The following FOCAD variants were observed in gnomAD, a reference collection of about 807,000 sequenced individuals.
The protein encoded by FOCAD is KIAA1797.
In FOCAD, 198 loss-of-function variants were observed where a neutral mutation model predicts 225.6. The observed-to-expected ratio is 0.88, with a 90% CI of 0.78 to 0.99. The LOEUF (loss-of-function observed/expected upper bound fraction) is 0.99. Among genes scored for constraint, FOCAD ranks in the 50% least tolerant of loss-of-function variants. The probability of loss-of-function intolerance (pLI) is 0.00; values close to 1 mark genes in which losing one functional copy is unlikely to be tolerated. For synonymous variants in FOCAD, 897 were observed against 755.0 expected, an observed-to-expected ratio of 1.19 and a Z score of -3.08; for missense variants, 2,713 against 2,123.6, an observed-to-expected ratio of 1.28 and a Z score of -5.46.
At chr9:20,828,885 G>T (rs1825195449) in intron 15 of FOCAD, among the ~76,000 whole-genome samples, 1 of 152,102 alleles carries the variant, frequency 6.6e-6, no homozygotes, top group South Asian at 2.1e-4. Context: ...AGAACATGCG[G>T]TATTTGGTTT....
chr9:20,692,005 C>A (rs1205925144), intron 1 of FOCAD, among the ~76,000 whole-genome samples: 1 of 152,158 alleles, frequency 6.6e-6, no homozygotes, highest in East Asian at 1.9e-4. Context: ...CCGCCTTGGC[C>A]TCCCAAAGTG....
At chr9:20,663,697 A>G (rs1466912887) in intron 2 of FOCAD, among the ~76,000 whole-genome samples, 1 of 152,186 alleles carries the variant, frequency 6.6e-6, no homozygotes, top group Non-Finnish European at 1.5e-5. Flanking sequence ...GTGTGAGGAA[A>G]ACAATACGTA....
chr9:20,788,605 A>G (rs1206553736), intron 10 of FOCAD, among the ~76,000 whole-genome samples: 1 of 152,190 alleles, frequency 6.6e-6, no homozygotes, highest in Non-Finnish European at 1.5e-5. Flanking sequence ...AGTCTGTCAC[A>G]AAGCACTATA....
Position 20,892,619 on chromosome 9 carries a change from G to C in FOCAD, c.2625+7389G>C, listed in dbSNP as rs557875418. On this transcript the variant is annotated intron_variant, in intron 21 of 43. Transcript: ENST00000338382. ...ACCGTCATGAGGAGTTGCTTCTTAG[G>C]GATGAACAGAGTGGTTTCTTGAGAT... Among the ~76,000 whole-genome samples, 4 of 152,152 alleles carry C rather than the reference G, an allele frequency of 2.6e-5. No individual in the cohort carries two copies. The East Asian group carries it at 7.7e-4, about 29-fold the overall frequency.
At chr9:20,787,428 A>C (rs949116723) in intron 10 of FOCAD, among the ~76,000 whole-genome samples, 1 of 152,156 alleles carries the variant, frequency 6.6e-6, no homozygotes, top group Non-Finnish European at 1.5e-5. Flanking sequence ...ATAATGGCTG[A>C]TAGCTGGCAT....
intron 16 of FOCAD, among the ~76,000 whole-genome samples, chr9:20,864,640 A>G (rs1829072061): frequency 6.6e-6 from 1 of 152,142 alleles, no homozygotes; most frequent in African/African-American, 2.4e-5. Context: ...ATGTATGCAT[A>G]TATTATTTTC....
chr9:20,934,973 G>T (rs1835819768), intron 28 of FOCAD, among the ~76,000 whole-genome samples: 2 of 152,092 alleles, frequency 1.3e-5, no homozygotes, highest in African/African-American at 4.8e-5. Flanking sequence ...AGAAATCATA[G>T]ATGACACAAA....
chr9:20,813,852 G>T (rs1228747878), intron 11 of FOCAD, among the ~76,000 whole-genome samples: 2 of 152,016 alleles, frequency 1.3e-5, no homozygotes, highest in Non-Finnish European at 2.9e-5. Flanking sequence ...TTACTGTATT[G>T]CTTTCCATTT....
At chr9:20,976,396 A>G (rs760085140) in intron 35 of FOCAD, 24 bp from the exon 36 acceptor site, 9 of 1,608,664 alleles carry the variant, frequency 5.6e-6, no homozygotes, top group South Asian at 5.5e-5. Context: ...GTGTTTTACT[A>G]TTATTTTTCA....
intron 2 of FOCAD, 72 bp from the exon 3 acceptor site, chr9:20,717,722 C>G: frequency 1.8e-6 from 2 of 1,125,812 alleles, no homozygotes; most frequent in South Asian, 2.7e-5. Flanking sequence ...CTGGCATACT[C>G]ATATCAACTA....
chr9:20,875,056 A>C, intron 19 of FOCAD: 3 of 429,214 alleles, frequency 7.0e-6, no homozygotes, highest in Non-Finnish European at 8.2e-6. Context: ...GTTCACTGAT[A>C]ATTAAAATTC....
At chr9:20,659,725 A>G (rs1331381600) in intron 2 of FOCAD, among the ~76,000 whole-genome samples, 1 of 152,252 alleles carries the variant, frequency 6.6e-6, no homozygotes, top group Non-Finnish European at 1.5e-5. Context: ...CTAATGTAGT[A>G]ATAGTCATTG....
chr9:20,682,965 G>C (rs1473039438), upstream of FOCAD, among the ~76,000 whole-genome samples: 2 of 152,098 alleles, frequency 1.3e-5, no homozygotes, highest in Non-Finnish European at 2.9e-5. Context: ...TTTTTTAGTA[G>C]AGATGGGGTT....
Position 20,995,945 on chromosome 9 carries a change from T to C in FOCAD, c.*316T>C, listed in dbSNP as rs1587815767. On this transcript the variant is annotated 3_prime_UTR_variant, in exon 44 of 44. Transcript: ENST00000338382. ...CTGCTAAATTCCAGTAAAATAATGT[T>C]GTCAATTTTGTGCGTGTGACTTTTG... The C allele has an allele frequency of 5.6e-6, 1 of 178,352 alleles. No individual in the cohort carries two copies. The highest frequency in any genetic ancestry group is 1.5e-4 in the East Asian group (1 of 6,784). The allele number at this position is 178,352 out of a possible 1,614,324, so 11.0% of individuals were successfully genotyped here.
At chr9:20,734,097 A>G (rs1457283338) in intron 4 of FOCAD, among the ~76,000 whole-genome samples, 2 of 152,262 alleles carry the variant, frequency 1.3e-5, no homozygotes, top group African/African-American at 4.8e-5. Context: ...AAAGTTGTGC[A>G]AACAGTGGAA....
intron 8 of FOCAD, 144 bp downstream of exon 8, chr9:20,770,382 C>T (rs1487924383): frequency 1.4e-6 from 1 of 718,022 alleles, no homozygotes; most frequent in African/African-American, 1.8e-5. Context: ...TGCTTAGCTT[C>T]TGGGGAGGCC....
intron 15 of FOCAD, among the ~76,000 whole-genome samples, chr9:20,845,664 G>A (rs894664515): frequency 3.3e-5 from 5 of 151,816 alleles, no homozygotes; most frequent in African/African-American, 9.7e-5. Flanking sequence ...CCGGTCCAAG[G>A]ATGTATAATT....
Position 20,912,907 on chromosome 9 carries a change from A to C in FOCAD, c.2760A>C (p.Lys920Asn). The change falls in exon 23 of 44, where the codon AAA (lysine) becomes AAC (asparagine). Residue 920 changes from lysine to asparagine, a missense_variant. By Grantham distance (94) the Lys-to-Asn change is moderately conservative. Transcript: ENST00000338382. ...GELELQLKHG[K>N]EEPEEVQYKK... ...TGGAGTTGCAGTTAAAACATGGAAA[A>C]GAAGAACCTGAGGAGGTGCAGTACA... 1 of 1,613,424 alleles carries C rather than the reference A, an allele frequency of 6.2e-7. No homozygotes were observed. The highest frequency in any genetic ancestry group is 8.5e-7 in the Non-Finnish European group (1 of 1,179,614).
At chr9:20,962,417 C>CACATACATCCAT (rs1838830998) in intron 35 of FOCAD, among the ~76,000 whole-genome samples, 1 of 149,086 alleles carries the variant, frequency 6.7e-6, no homozygotes, top group South Asian at 2.1e-4. Context: ...TATACACACA[C>CACATACATCCAT]ACATACATAC....
Sources: allele counts gnomAD v4.1 joint callset (sites outside exome capture counted in the v4.1 genomes callset), GRCh38; gene constraint gnomAD v4.1.1; transcripts MANE v1.5; gene names NCBI Gene and HGNC (gene_info 2026-07-23, HGNC 2026-07-21).